CDH4: variants seen among roughly 807,000 people sequenced by gnomAD.
The protein encoded by CDH4 is cadherin 4, also known as cadherin-4.
In CDH4, 33 loss-of-function variants were observed where a neutral mutation model predicts 86.0. The observed-to-expected ratio is 0.38, with a 90% CI of 0.29 to 0.51. The LOEUF is 0.51. CDH4 is among the 20% of genes least tolerant of loss of function. The pLI, the probability that CDH4 is intolerant of heterozygous loss-of-function variation, is 0.86. For missense variants in CDH4, 1,114 were observed against 1,307.4 expected (o/e 0.85, Z 2.28); for synonymous variants, 555 against 549.4 (o/e 1.01, Z -0.14).
At chr20:61,897,254 T>G (rs557726830) in intron 8 of CDH4, among the ~76,000 whole-genome samples, 1 of 152,044 alleles carries the variant, frequency 6.6e-6, no homozygotes, top group African/African-American at 2.4e-5. Context: ...ATCCCATCAT[T>G]CCATTGCAAG....
chr20:61,701,445 C>G (rs2087775203), intron 2 of CDH4, among the ~76,000 whole-genome samples: 2 of 152,226 alleles, frequency 1.3e-5, no homozygotes, highest in African/African-American at 4.8e-5. Flanking sequence ...TGGTGGACAT[C>G]TGGGCTTGTC....
intron 2 of CDH4, chr20:61,717,366 C>T (rs1017619926): frequency 3.9e-5 from 6 of 152,390 alleles, no homozygotes; most frequent in Admixed American, 2.0e-4. Flanking sequence ...GCTCTCTGAG[C>T]ACGGGGACTC....
intron 3 of CDH4, 59 bp downstream of exon 3, chr20:61,743,848 G>A (rs2088376477): frequency 7.7e-7 from 1 of 1,302,982 alleles, no homozygotes; most frequent in Non-Finnish European, 1.1e-6. Context: ...CCTCCTGCAG[G>A]CCCTGGGCAG....
intron 2 of CDH4, among the ~76,000 whole-genome samples, chr20:61,642,879 A>G (rs556512527): frequency 6.6e-6 from 1 of 152,192 alleles, no homozygotes; most frequent in Non-Finnish European, 1.5e-5. Context: ...CCATCCTCGC[A>G]TCTCCTACTC....
chr20:61,533,304 C>T (rs4925251), intron 2 of CDH4, among the ~76,000 whole-genome samples: 22,302 of 152,086 alleles, frequency 0.15, 1,963 homozygotes, highest in East Asian at 0.45. Context: ...GCGAGCAGCA[C>T]GGGGAAGGAT....
At chr20:61,922,456 G>T (rs1460880987) in intron 9 of CDH4, among the ~76,000 whole-genome samples, 1 of 152,174 alleles carries the variant, frequency 6.6e-6, no homozygotes, top group East Asian at 1.9e-4. Context: ...TGAATGCAGG[G>T]GCCAAGTGCA....
At chr20:61,790,642 C>G (rs1391957061) in intron 4 of CDH4, among the ~76,000 whole-genome samples, 1 of 151,580 alleles carries the variant, frequency 6.6e-6, no homozygotes, top group African/African-American at 2.4e-5. Flanking sequence ...TCTCTCCATC[C>G]ATTCACCCAT....
chr20:61,627,675 G>T (rs1370643751), intron 2 of CDH4, among the ~76,000 whole-genome samples: 1 of 152,044 alleles, frequency 6.6e-6, no homozygotes, highest in African/African-American at 2.4e-5. Context: ...GAGGCCCCCT[G>T]GTTGGGACAG....
At chr20:61,645,875 A>G (rs546226754) in intron 2 of CDH4, among the ~76,000 whole-genome samples, 1 of 152,242 alleles carries the variant, frequency 6.6e-6, no homozygotes, top group South Asian at 2.1e-4. Flanking sequence ...TTCTGACCCC[A>G]GAGTTAGTCC....
intron 2 of CDH4, among the ~76,000 whole-genome samples, chr20:61,312,238 T>C (rs1245400222): frequency 1.3e-5 from 2 of 151,688 alleles, no homozygotes; most frequent in Admixed American, 1.3e-4. Context: ...TGTGTGCATG[T>C]GTGTGGTGTG....
chr20:61,679,808 A>G (rs959946477), intron 2 of CDH4, among the ~76,000 whole-genome samples: 36 of 152,186 alleles, frequency 2.4e-4, no homozygotes, highest in African/African-American at 8.0e-4. Context: ...CCTGGACCAC[A>G]TGCTAATTCC....
chr20:61,665,538 GGTCCCC>G (rs1481645562), intron 2 of CDH4, among the ~76,000 whole-genome samples: 7 of 152,216 alleles, frequency 4.6e-5, no homozygotes, highest in Admixed American at 3.3e-4. Context: ...GGAGAGCCGA[GGTCCCC>G]GTCAGATCTC....
Position 61,582,928 on chromosome 20 carries a change from C to T in CDH4, c.170-160635C>T, listed in dbSNP as rs1475328470. Among the ~76,000 whole-genome samples the T allele has an allele frequency of 6.6e-6, 1 of 152,160 alleles. No individual in the cohort carries two copies. Among genetic ancestry groups the T allele is most frequent in the African/African-American group, 2.4e-5 (1 of 41,442 alleles). On this transcript the variant is annotated intron_variant, in intron 2 of 15. Coordinates refer to ENST00000614565, the MANE Select transcript of CDH4 (RefSeq NM_001794.5). The surrounding 1 kb of genome is among the most constrained non-coding windows in gnomAD (Gnocchi z 4.2). The stretch of plus-strand genomic sequence containing the variant: ...AAACTCCACACCCTTGGCTGTCCGC[C>T]TTCTGCGCCCCCATGGCCCCCGGCC...
intron 2 of CDH4, among the ~76,000 whole-genome samples, chr20:61,562,338 G>A (rs1271373807): frequency 1.5e-5 from 2 of 134,268 alleles, no homozygotes; most frequent in Non-Finnish European, 1.6e-5. Flanking sequence ...GGACCCCAGG[G>A]CTCCCGGAGA....
At position 61,535,593 on chromosome 20, in the gene CDH4, G is replaced by A. The variant is rs2085990149; in HGVS notation, c.170-207970G>A. ...GCAGTGACATAATTTGTGGGGCCTGGTGCAGGATGAAAACGCGGGGGCCTT... is the reference window on the plus strand; with the variant it reads ...GCAGTGACATAATTTGTGGGGCCTGATGCAGGATGAAAACGCGGGGGCCTT... On this transcript the variant is annotated intron_variant, in intron 2 of 15. Transcript: ENST00000614565. Among the ~76,000 whole-genome samples, 4 of 152,242 alleles carry A rather than the reference G, an allele frequency of 2.6e-5. No homozygotes were observed. The South Asian group carries it at 8.3e-4, about 31-fold the overall frequency.
intron 2 of CDH4, among the ~76,000 whole-genome samples, chr20:61,421,960 G>A (rs2085180038): frequency 6.6e-6 from 1 of 152,180 alleles, no homozygotes. Context: ...TGAGCAGTGT[G>A]GGGCTGACAC....
chr20:61,670,107 A>G (rs1251297495), intron 2 of CDH4, among the ~76,000 whole-genome samples: 3 of 152,240 alleles, frequency 2.0e-5, no homozygotes, highest in African/African-American at 7.2e-5. Context: ...TGCAGGCAAT[A>G]AAACCATAGC....
At chr20:61,837,774 G>T (rs562270739) in intron 4 of CDH4, among the ~76,000 whole-genome samples, 5 of 151,902 alleles carry the variant, frequency 3.3e-5, no homozygotes, top group Admixed American at 2.6e-4. Flanking sequence ...CCCCCCGTGG[G>T]TCTGTCCCTC....
In CDH4 at chr20:61,620,333, T is replaced by TGG. The variant is rs1473672801; in HGVS notation, c.170-123230_170-123229insGG. On this transcript the variant is annotated intron_variant, in intron 2 of 15. Transcript: ENST00000614565. ...ATAGGTAGGTAGATGGATGGATGGA[T>TGG]AGATGGATGGATAGATAGATGATGA... Among the ~76,000 whole-genome samples the TGG allele has an allele frequency of 1.8e-3, 258 of 147,196 alleles. 1 individual carries two copies. The highest frequency in any genetic ancestry group is 7.1e-3 in the East Asian group (36 of 5,098).
Sources: gnomAD v4.1 joint callset for allele counts (sites outside exome capture counted in the v4.1 genomes callset) on GRCh38, gnomAD v4.1.1 for gene constraint, Gnocchi (gnomAD v3.1) non-coding constraint, MANE v1.5 for transcripts, NCBI Gene and HGNC (gene_info 2026-07-23, HGNC 2026-07-21) for gene names.